PYGB: variants seen among roughly 807,000 people sequenced by gnomAD.
PYGB encodes the protein glycogen phosphorylase, brain form.
Under a neutral mutation model 94.3 loss-of-function variants are expected in PYGB, and 82 were observed. The ratio of observed to expected loss-of-function variants is 0.87; its 90% CI spans 0.73 to 1.04. PYGB has a LOEUF of 1.04. PYGB is among the 50% of genes least tolerant of loss of function. The pLI is 0.00. For synonymous variants in PYGB, 488 were observed against 479.1 expected (o/e 1.02, Z -0.24); for missense variants, 1,132 against 1,158.2 (o/e 0.98, Z 0.33).
intron 18 of PYGB, chr20:25,294,651 T>TG (rs2145903780): frequency 1.8e-6 from 1 of 553,016 alleles, no homozygotes; most frequent in East Asian, 3.2e-5. Flanking sequence ...CTCCCTGGGG[T>TG]GGGGTAGGGG....
chr20:25,296,373 C>T lies in PYGB; in HGVS notation c.2383C>T (p.Pro795Ser). 6.2e-7 allele frequency: 1 copy of T among 1,614,062 alleles called. No homozygotes were observed. Among genetic ancestry groups the T allele is most frequent in the Non-Finnish European group, 8.5e-7 (1 of 1,180,024 alleles). Reference protein sequence around the residue: ...QAQVDQLYRNPKEWTKKVIRN... With the variant: ...QAQVDQLYRNSKEWTKKVIRN... ...AATTTCATCTCCTTCCCTGCAGAAC[C>T]CCAAGGAGTGGACCAAGAAGGTCAT... is the stretch of plus-strand genomic sequence containing the variant. The change falls in exon 20 of 20, where the codon CCC (proline) becomes TCC (serine). Residue 795 changes from proline (P) to serine (S), a missense_variant. By Grantham distance (74) the Pro-to-Ser change is moderately conservative. Transcript: ENST00000216962.
intron 2 of PYGB, among the ~76,000 whole-genome samples, chr20:25,268,089 C>T (rs2474769): frequency 0.44 from 65,088 of 149,356 alleles, 14,978 homozygotes; most frequent in East Asian, 0.92. Context: ...GTTTTCTGGT[C>T]GGTTATGTTG....
chr20:25,276,238 C>T (rs970455139), intron 5 of PYGB, among the ~76,000 whole-genome samples: 3 of 151,908 alleles, frequency 2.0e-5, no homozygotes, highest in Non-Finnish European at 2.9e-5. Flanking sequence ...CAAGCATCTG[C>T]GTGTTGGAGT....
At position 25,259,276 on chromosome 20, in the gene PYGB, A is replaced by G; in HGVS notation, c.283A>G (p.Thr95Ala). The G allele has an allele frequency of 6.2e-7, 1 of 1,611,986 alleles. No homozygotes were observed. Among genetic ancestry groups the G allele is most frequent in the Non-Finnish European group, 8.5e-7 (1 of 1,178,000 alleles). Residue 95 changes from threonine (T) to alanine (A), a missense_variant, in exon 2 of 20, where the codon ACG becomes GCG. Coordinates refer to ENST00000216962, the MANE Select transcript of PYGB (RefSeq NM_002862.4). ...TTCCCTGGAATTCTACATGGGTCGC[A>G]CGCTGCAGAACACGATGGTGAACCT... is the stretch of plus-strand genomic sequence containing the variant. ...YLSLEFYMGR[T>A]LQNTMVNLGL...
At chr20:25,254,320 C>T (rs752578651) in intron 1 of PYGB, among the ~76,000 whole-genome samples, 2 of 152,032 alleles carry the variant, frequency 1.3e-5, no homozygotes, top group Non-Finnish European at 2.9e-5. Flanking sequence ...ATTGGGAGAA[C>T]TTTAGAAGTC....
chr20:25,278,603 G>T, intron 8 of PYGB, 141 bp downstream of exon 8: 3 of 1,255,468 alleles, frequency 2.4e-6, no homozygotes, highest in South Asian at 3.2e-5. Context: ...TTCTGGGCCA[G>T]GATCCCACCT....
chr20:25,248,469 C>T, intron 1 of PYGB, 48 bp downstream of exon 1: 2 of 1,311,402 alleles, frequency 1.5e-6, no homozygotes, highest in South Asian at 2.1e-5. Flanking sequence ...GAGAGGGCGC[C>T]GGTCCCGGAG....
At chr20:25,252,875 C>T (rs555541916) in intron 1 of PYGB, among the ~76,000 whole-genome samples, 10 of 152,158 alleles carry the variant, frequency 6.6e-5, no homozygotes, top group Admixed American at 4.6e-4. Flanking sequence ...TTGGGGCTGG[C>T]GGGAGGGGTG....
chr20:25,253,779 A>C (rs2092895111), intron 1 of PYGB, among the ~76,000 whole-genome samples: 1 of 152,224 alleles, frequency 6.6e-6, no homozygotes, highest in African/African-American at 2.4e-5. Flanking sequence ...TTGACGCTTC[A>C]TCCGGATTCC....
At chr20:25,294,696 G>C (rs1422378207) in intron 18 of PYGB, 2 of 600,584 alleles carry the variant, frequency 3.3e-6, no homozygotes, top group African/African-American at 1.8e-5. Context: ...GCAGGCGTCA[G>C]TGCCAGTGAC....
chr20:25,283,646 G>A (rs2088389787), intron 13 of PYGB, among the ~76,000 whole-genome samples: 1 of 152,244 alleles, frequency 6.6e-6, no homozygotes, highest in Admixed American at 6.5e-5. Context: ...TGCACGAGCT[G>A]TCTGCACCGG....
chr20:25,292,308 A>G, intron 16 of PYGB, 98 bp from the exon 17 acceptor site: 3 of 1,419,386 alleles, frequency 2.1e-6, no homozygotes, highest in South Asian at 1.2e-5. Flanking sequence ...TCCACGACCC[A>G]GCCCCGGGTG....
chr20:25,259,357 G>C lies in PYGB; in HGVS notation c.345+19G>C, dbSNP rs182518185. The C allele has an allele frequency of 3.5e-5, 55 of 1,565,294 alleles. 1 individual carries two copies. In the East Asian group the frequency reaches 6.5e-4, roughly 19 times the overall value. The stretch of plus-strand genomic sequence containing the variant: ...CTATCAGGTACAGAGCCTCATGGCC[G>C]GGCTTCTGGGTGGCCCCTCGTGGTG... On this transcript the variant is annotated intron_variant, in intron 2 of 19. Coordinates refer to ENST00000216962, the MANE Select transcript of PYGB (RefSeq NM_002862.4).
Position 25,274,605 on chromosome 20 carries a change from A to G in PYGB, c.542A>G (p.Asp181Gly). 1 of 1,613,512 alleles carries G rather than the reference A, an allele frequency of 6.2e-7. No individual in the cohort carries two copies. Among genetic ancestry groups the G allele is most frequent in the East Asian group, 2.2e-5 (1 of 44,886 alleles). Residue 181 changes from aspartate to glycine, a missense_variant, in exon 5 of 20, where the codon GAT (aspartate) becomes GGT (glycine). Asp to Gly is a moderately conservative substitution (Grantham distance 94). Coordinates refer to ENST00000216962, the MANE Select transcript of PYGB (RefSeq NM_002862.4). ...GCTTCTTTCCAGGTAGAGGAGGCCG[A>G]TGACTGGCTGCGCTACGGCAACCCC... ...IVNGWQVEEA[D>G]DWLRYGNPWE... is the part of the protein sequence containing the mutation.
At chr20:25,287,256 C>T (rs934788019) in intron 14 of PYGB, among the ~76,000 whole-genome samples, 3 of 152,244 alleles carry the variant, frequency 2.0e-5, no homozygotes, top group African/African-American at 2.4e-5. Flanking sequence ...AGGGGAGACA[C>T]AAGGTCTCAC....
intron 18 of PYGB, chr20:25,294,751 T>C (rs2145903925): frequency 1.6e-6 from 1 of 645,000 alleles, no homozygotes; most frequent in South Asian, 1.8e-5. Context: ...TGTGACATTA[T>C]AATGTAGTTA....
intron 1 of PYGB, among the ~76,000 whole-genome samples, chr20:25,249,235 GT>G (rs2092880623): frequency 6.6e-6 from 1 of 151,808 alleles, no homozygotes; most frequent in Non-Finnish European, 1.5e-5. Flanking sequence ...TGCACATACA[GT>G]TTTTTAGATT....
chr20:25,260,896 G>A (rs1450694747), intron 2 of PYGB, among the ~76,000 whole-genome samples: 1 of 152,230 alleles, frequency 6.6e-6, no homozygotes, highest in Non-Finnish European at 1.5e-5. Context: ...ACAACAGTAT[G>A]AGATTGAACT....
chr20:25,266,207 T>C (rs1324756128), intron 2 of PYGB, among the ~76,000 whole-genome samples: 1 of 152,192 alleles, frequency 6.6e-6, no homozygotes, highest in African/African-American at 2.4e-5. Context: ...GTTTGTCTAT[T>C]TTTCCTTTTG....
Sources: gnomAD v4.1 joint callset for allele counts (sites outside exome capture counted in the v4.1 genomes callset) on GRCh38, gnomAD v4.1.1 for gene constraint, MANE v1.5 for transcripts, NCBI Gene and HGNC (gene_info 2026-07-23, HGNC 2026-07-21) for gene names.